Variants in FAR2 observed in about 807,000 individuals in gnomAD.
FAR2 encodes epididymis secretory protein Li 81.
In FAR2, 19 loss-of-function variants were observed where a neutral mutation model predicts 56.0. That is an observed-to-expected ratio of 0.34 (90% CI 0.24 to 0.50). The LOEUF is 0.50. FAR2 is among the 20% of genes least tolerant of loss of function. The pLI, the probability that FAR2 is intolerant of heterozygous loss-of-function variation, is 0.98. For missense variants in FAR2, 508 were observed against 642.2 expected, an observed-to-expected ratio of 0.79 and a Z score of 2.26; for synonymous variants, 219 against 218.8, an observed-to-expected ratio of 1.00 and a Z score of -0.01.
chr12:29,233,487 G>T (rs778512766), intron 1 of FAR2, among the ~76,000 whole-genome samples: 3 of 152,022 alleles, frequency 2.0e-5, no homozygotes, highest in Non-Finnish European at 2.9e-5. Flanking sequence ...CTTAATACAA[G>T]AAATCTATCC....
intron 2 of FAR2, among the ~76,000 whole-genome samples, chr12:29,282,789 AAG>A (rs1273266560): frequency 6.6e-6 from 1 of 152,202 alleles, no homozygotes; most frequent in Non-Finnish European, 1.5e-5. Context: ...CCTGCTGTCA[AAG>A]AGAAACTATT....
chr12:29,314,343 T>C (rs978358752), intron 8 of FAR2, among the ~76,000 whole-genome samples: 1 of 152,116 alleles, frequency 6.6e-6, no homozygotes, highest in African/African-American at 2.4e-5. Context: ...ACAGATGTTA[T>C]ATGCTGGTAT....
intron 2 of FAR2, among the ~76,000 whole-genome samples, chr12:29,275,315 A>G (rs1268870799): frequency 6.6e-6 from 1 of 152,024 alleles, no homozygotes; most frequent in Non-Finnish European, 1.5e-5. Flanking sequence ...AAGGAATTTC[A>G]CAAGACGATG....
chr12:29,307,804 T>C lies in FAR2; in HGVS notation c.692T>C (p.Ile231Thr), dbSNP rs2136782736. Residue 231 changes from isoleucine (I) to threonine (T), a missense_variant, in exon 5 of 12, where the codon ATT becomes ACT. Coordinates refer to ENST00000536681, the MANE Select transcript of FAR2 (RefSeq NM_001271783.2). Reference sequence around the variant, plus strand: ...AACATTGCCATCATAAGGCCCTCCATTGTGGGAGCAACTTGGCAGGAGCCT... The same window carrying C: ...AACATTGCCATCATAAGGCCCTCCACTGTGGGAGCAACTTGGCAGGAGCCT... ...NLNIAIIRPS[I>T]VGATWQEPFP... The C allele has an allele frequency of 3.1e-6, 5 of 1,611,606 alleles. No individual in the cohort carries two copies. The highest frequency in any genetic ancestry group is 2.5e-6 in the Non-Finnish European group (3 of 1,179,646).
chr12:29,202,617 G>A (rs759113386), intron 1 of FAR2, among the ~76,000 whole-genome samples: 32 of 152,110 alleles, frequency 2.1e-4, no homozygotes, highest in Admixed American at 8.5e-4. Flanking sequence ...TCATGGGGGC[G>A]GATCCCTCAT....
At chr12:29,285,946 A>T (rs139443209) in intron 2 of FAR2, among the ~76,000 whole-genome samples, 8 of 152,204 alleles carry the variant, frequency 5.3e-5, no homozygotes, top group Admixed American at 3.9e-4. Flanking sequence ...TACTAATTTC[A>T]TTAAAAAAAG....
chr12:29,310,496 A>G (rs1419779835), intron 6 of FAR2, among the ~76,000 whole-genome samples: 1 of 152,186 alleles, frequency 6.6e-6, no homozygotes, highest in African/African-American at 2.4e-5. Flanking sequence ...CAATTTTTCC[A>G]AGCCAAAAAA....
At chr12:29,221,817 A>C (rs1387037294) in intron 1 of FAR2, among the ~76,000 whole-genome samples, 2 of 152,048 alleles carry the variant, frequency 1.3e-5, no homozygotes, top group Non-Finnish European at 2.9e-5. Flanking sequence ...ACAATTACAG[A>C]TGCTGCTCAG....
intron 8 of FAR2, among the ~76,000 whole-genome samples, chr12:29,313,885 A>G (rs1286199700): frequency 2.0e-5 from 3 of 151,778 alleles, no homozygotes; most frequent in Non-Finnish European, 2.9e-5. Context: ...CCTTATCTCT[A>G]TTTTCTCCTT....
rs147166615 is a variant in FAR2, at chr12:29,221,757, T to G, written c.-38-48655T>G. On this transcript the variant is annotated intron_variant, in intron 1 of 11. Coordinates refer to ENST00000536681, the MANE Select transcript of FAR2 (RefSeq NM_001271783.2). ...CACCAATTTTAGAAAATGAGCTCGC[T>G]TTAGGGTCATCCTGAGTTGACTTTA... is the stretch of plus-strand genomic sequence containing the variant. Among the ~76,000 whole-genome samples, 1,490 of 152,370 alleles carry G rather than the reference T, an allele frequency of 9.8e-3. 17 individuals are homozygous for G. Among genetic ancestry groups the G allele is most frequent in the African/African-American group, 0.028 (1,164 of 41,592 alleles).
chr12:29,249,218 G>C (rs1214239416), intron 1 of FAR2, among the ~76,000 whole-genome samples: 1 of 152,298 alleles, frequency 6.6e-6, no homozygotes, highest in Admixed American at 6.5e-5. Flanking sequence ...AATTATAAAA[G>C]TATTAATTTG....
chr12:29,272,167 C>T (rs572148963), intron 2 of FAR2, among the ~76,000 whole-genome samples: 1 of 152,168 alleles, frequency 6.6e-6, no homozygotes, highest in Admixed American at 6.5e-5. Flanking sequence ...CCTGAATTTG[C>T]GTGTTGGCCT....
At chr12:29,274,247 T>C (rs958233898) in intron 2 of FAR2, among the ~76,000 whole-genome samples, 6 of 131,964 alleles carry the variant, frequency 4.5e-5, no homozygotes, top group African/African-American at 1.5e-4. Context: ...CCTGTGTCCA[T>C]GTGTTCTCAT....
At chr12:29,218,358 C>A (rs540907087) in intron 1 of FAR2, among the ~76,000 whole-genome samples, 45 of 138,464 alleles carry the variant, frequency 3.2e-4, no homozygotes, top group Admixed American at 4.9e-4. Context: ...GACTCCGTCT[C>A]AAAAAAAAAA....
chr12:29,227,709 G>A (rs1947790883), intron 1 of FAR2, among the ~76,000 whole-genome samples: 1 of 152,106 alleles, frequency 6.6e-6, no homozygotes, highest in African/African-American at 2.4e-5. Flanking sequence ...ATAAGAAAAT[G>A]TCGGTAAAAG....
intron 1 of FAR2, among the ~76,000 whole-genome samples, chr12:29,175,421 A>C (rs1396261462): frequency 1.3e-5 from 2 of 152,170 alleles, no homozygotes; most frequent in East Asian, 3.8e-4. Context: ...CCTTCACGGC[A>C]AGTGTTACAG....
At chr12:29,238,184 C>T (rs1203535700) in intron 1 of FAR2, among the ~76,000 whole-genome samples, 1 of 151,044 alleles carries the variant, frequency 6.6e-6, no homozygotes, top group Non-Finnish European at 1.5e-5. Context: ...AATACTCCTC[C>T]CTTTTCCCAC....
intron 2 of FAR2, among the ~76,000 whole-genome samples, chr12:29,285,641 C>T (rs1053355570): frequency 1.3e-5 from 2 of 152,184 alleles, no homozygotes; most frequent in African/African-American, 4.8e-5. Flanking sequence ...TTCAAATTGG[C>T]CGGGCTTGGT....
intron 4 of FAR2, among the ~76,000 whole-genome samples, 160 bp downstream of exon 4, chr12:29,297,360 G>C (rs1949088479): frequency 6.6e-6 from 1 of 152,116 alleles, no homozygotes; most frequent in African/African-American, 2.4e-5. Flanking sequence ...TGCTAGTTCT[G>C]GTGGGGAATA....
Sources: gnomAD v4.1 joint callset for allele counts (sites outside exome capture counted in the v4.1 genomes callset) on GRCh38, gnomAD v4.1.1 for gene constraint, MANE v1.5 for transcripts, NCBI Gene and HGNC (gene_info 2026-07-23, HGNC 2026-07-21) for gene names.